The following SETD2 variants were observed in gnomAD, a reference collection of about 807,000 sequenced individuals.
SETD2 encodes histone-lysine N-methyltransferase SETD2.
In SETD2, 31 loss-of-function variants were observed where a neutral mutation model predicts 242.1. That is an observed-to-expected ratio of 0.13 (90% confidence interval 0.10 to 0.17). The LOEUF (loss-of-function observed/expected upper bound fraction) is 0.17, where lower values mean the gene tolerates loss of function less well. SETD2 is among the 10% of genes least tolerant of loss of function. SETD2 has a pLI of 1.00. For synonymous variants in SETD2, 1,006 were observed against 1,066.5 expected, an observed-to-expected ratio of 0.94 and a Z score of 1.11; for missense variants, 2,481 against 3,046.3, an observed-to-expected ratio of 0.81 and a Z score of 4.37.
At chr3:47,076,357 T>TA (rs1331716748) in intron 12 of SETD2, among the ~76,000 whole-genome samples, 4 of 152,180 alleles carry the variant, frequency 2.6e-5, no homozygotes, top group African/African-American at 9.7e-5. Flanking sequence ...AAAATGAACT[T>TA]AATTTCAACA....
Position 47,017,801 on chromosome 3 carries a change from G to A in SETD2, c.7432-62C>T. 3 of 1,157,270 alleles carry A rather than the reference G, an allele frequency of 2.6e-6. No homozygotes were observed. The highest frequency in any genetic ancestry group is 2.3e-5 in the East Asian group (1 of 42,776). 71.7% of individuals were successfully genotyped at this position (1,157,270 alleles called of 1,614,324 possible). ...TCCAGAGAGGGCAAGGAGTTGTACT[G>A]AGGAAATAACTAGAAAAGGTAGTGA... On this transcript the variant is annotated intron_variant, in intron 19 of 20. Coordinates refer to ENST00000409792, the MANE Select transcript of SETD2 (RefSeq NM_014159.7). This position sits in a 1 kb window ranked among gnomAD's most constrained non-coding sequence, Gnocchi z 4.8.
chr3:47,073,894 C>T (rs1265632546), intron 12 of SETD2, among the ~76,000 whole-genome samples: 1 of 152,158 alleles, frequency 6.6e-6, no homozygotes, highest in African/African-American at 2.4e-5. Flanking sequence ...CCAATGAGAG[C>T]TGAATTGATA....
intron 1 of SETD2, among the ~76,000 whole-genome samples, chr3:47,140,383 A>T (rs1013207323): frequency 1.3e-5 from 2 of 152,228 alleles, no homozygotes; most frequent in African/African-American, 2.4e-5. Context: ...GTTGAAGACT[A>T]TTGTATTCAA....
intron 15 of SETD2, 48 bp downstream of exon 15, chr3:47,056,773 C>T (rs2040099144): frequency 2.0e-6 from 3 of 1,487,016 alleles, no homozygotes; most frequent in Non-Finnish European, 2.8e-6. Flanking sequence ...AACTAACATC[C>T]CATGAACAGA....
intron 1 of SETD2, 52 bp from the exon 2 acceptor site, chr3:47,126,715 A>G (rs975520478): frequency 2.8e-6 from 3 of 1,059,322 alleles, no homozygotes; most frequent in East Asian, 2.6e-5. Context: ...GAAATCATAA[A>G]TACTTAAAAA....
chr3:47,123,821 T>G lies in SETD2; in HGVS notation c.815A>C (p.Asn272Thr), dbSNP rs2106713092. 6.5e-7 allele frequency: 1 copy of G among 1,548,184 alleles called. No homozygotes were observed. Among genetic ancestry groups the G allele is most frequent in the Non-Finnish European group, 8.7e-7 (1 of 1,144,926 alleles). ...SLEEHVTQIL[N>T]EQADISSKKE... Reference sequence around the variant, plus strand: ...TTTTGAGGAAATATCTGCTTGCTCATTCAATATTTGAGTTACGTGTTCTTC... The same window carrying G: ...TTTTGAGGAAATATCTGCTTGCTCAGTCAATATTTGAGTTACGTGTTCTTC... Residue 272 changes from asparagine (N) to threonine (T), a missense_variant, in exon 3 of 21, where the codon AAT becomes ACT. By Grantham distance (65) the Asn-to-Thr change is moderately conservative. Around this residue, in one of 17 missense-constraint regions of SETD2, gnomAD observed 334 missense variants for 374.5 expected, o/e 0.89. Coordinates refer to ENST00000409792, the MANE Select transcript of SETD2 (RefSeq NM_014159.7).
At chr3:47,061,013 TC>T (rs1390138510) in intron 14 of SETD2, among the ~76,000 whole-genome samples, 2 of 152,094 alleles carry the variant, frequency 1.3e-5, no homozygotes, top group Non-Finnish European at 2.9e-5. Context: ...GGTCAGGAGA[TC>T]GAGACCATCC....
intron 1 of SETD2, among the ~76,000 whole-genome samples, chr3:47,128,027 A>G (rs1271926652): frequency 1.3e-5 from 2 of 152,036 alleles, no homozygotes; most frequent in African/African-American, 2.4e-5. Context: ...AATAACATAG[A>G]ATAATATGTG....
rs759105048 is a variant in SETD2 at position 47,126,621 on chromosome 3, T to C, written c.87+27A>G. The C allele has an allele frequency of 1.1e-4, 133 of 1,238,668 alleles. No homozygotes were observed. The East Asian group carries it at 1.1e-3, about 11-fold the overall frequency. 76.7% of individuals were successfully genotyped at this position (1,238,668 alleles called of 1,614,324 possible). ...TGTTTAGTGGTCCATCTCATAATCA[T>C]TGAATGACTAGTTAAATTATACTTA... On this transcript the variant is annotated intron_variant, in intron 2 of 20. Coordinates refer to ENST00000409792, the MANE Select transcript of SETD2 (RefSeq NM_014159.7).
intron 5 of SETD2, among the ~76,000 whole-genome samples, 189 bp from the exon 6 acceptor site, chr3:47,106,309 T>C (rs1465241329): frequency 6.6e-6 from 1 of 152,024 alleles, no homozygotes; most frequent in Non-Finnish European, 1.5e-5. Context: ...TCCTTCACAG[T>C]ACTTTTCAAA....
chr3:47,164,188 GAC>G (rs1697602017), upstream of SETD2, among the ~76,000 whole-genome samples: 1 of 152,072 alleles, frequency 6.6e-6, no homozygotes, highest in African/African-American at 2.4e-5. This position sits in a 1 kb window ranked among gnomAD's most constrained non-coding sequence, Gnocchi z 5.4. Flanking sequence ...CCCTTAAAGA[GAC>G]ACACACGGGC....
At chr3:47,021,127 A>AT (rs901828261) in intron 18 of SETD2, among the ~76,000 whole-genome samples, 26 of 152,122 alleles carry the variant, frequency 1.7e-4, no homozygotes, top group East Asian at 9.6e-4. Flanking sequence ...GGATTTTGTT[A>AT]TTTTTTTTCC....
At chr3:47,092,762 A>G (rs2041855924) in intron 9 of SETD2, among the ~76,000 whole-genome samples, 1 of 152,038 alleles carries the variant, frequency 6.6e-6, no homozygotes, top group Non-Finnish European at 1.5e-5. Flanking sequence ...ATATAAAAAC[A>G]ATTAGTAAAT....
chr3:47,161,209 C>T (rs1020636727), intron 1 of SETD2, among the ~76,000 whole-genome samples: 2 of 152,164 alleles, frequency 1.3e-5, no homozygotes, highest in East Asian at 1.9e-4. Context: ...AGCACTTACA[C>T]GTGCCACATT....
chr3:47,025,148 A>G (rs977296875), intron 18 of SETD2, among the ~76,000 whole-genome samples: 2 of 152,206 alleles, frequency 1.3e-5, no homozygotes, highest in African/African-American at 4.8e-5. Flanking sequence ...CTCAAACTCC[A>G]CAATGAACTT....
rs148325978 is a variant in SETD2 at position 47,101,484 on chromosome 3, C to A, written c.4989G>T (p.Thr1663=). 2.5e-6 allele frequency: 4 copies of A among 1,613,026 alleles called. No homozygotes were observed. The highest frequency in any genetic ancestry group is 3.4e-6 in the Non-Finnish European group (4 of 1,179,238). The change falls in exon 8 of 21, where the codon ACG becomes ACT. Residue 1663 remains threonine, a synonymous_variant. Transcript: ENST00000409792. ...CATATCTCTGGAACTGATAGTCAAA[C>A]GTTAACTCTGAGCCTGAAGGAACCA... The part of the protein sequence containing the change: ...TKLVPSGSEL[T]FDYQFQRYGK...
intron 14 of SETD2, among the ~76,000 whole-genome samples, chr3:47,058,962 T>TTTG (rs545561796): frequency 0.013 from 1,984 of 151,078 alleles, 39 homozygotes; most frequent in African/African-American, 0.044. Flanking sequence ...GCCTGGCTAA[T>TTTG]TTGTTGTTGT....
At chr3:47,150,689 G>A (rs2043963999) in intron 1 of SETD2, among the ~76,000 whole-genome samples, 1 of 152,000 alleles carries the variant, frequency 6.6e-6, no homozygotes, top group Admixed American at 6.6e-5. Flanking sequence ...ATTTAAGAAT[G>A]TCTGGTAATA....
chr3:47,021,486 T>TG (rs2038217255), intron 18 of SETD2, among the ~76,000 whole-genome samples: 2 of 151,964 alleles, frequency 1.3e-5, no homozygotes, highest in Admixed American at 6.6e-5. Context: ...GGGGGATTGG[T>TG]GGGGGGTGGC....
Sources: gnomAD v4.1 joint callset for allele counts (sites outside exome capture counted in the v4.1 genomes callset) on GRCh38, gnomAD v4.1.1 for gene constraint, gnomAD v4.1.1 regional missense constraint, Gnocchi (gnomAD v3.1) non-coding constraint, MANE v1.5 for transcripts, NCBI Gene and HGNC (gene_info 2026-07-23, HGNC 2026-07-21) for gene names.